RAD54L2: variants seen among roughly 807,000 people sequenced by gnomAD.
RAD54L2 encodes helicase ARIP4.
A neutral mutation model predicts 138.4 loss-of-function variants in RAD54L2; 27 were observed. The ratio of observed to expected loss-of-function variants is 0.20; its 90% CI spans 0.14 to 0.27. The LOEUF is 0.27. Among genes scored for constraint, RAD54L2 ranks in the 10% least tolerant of loss-of-function variants. RAD54L2 has a pLI of 1.00. For missense variants in RAD54L2, 1,396 were observed against 1,890.2 expected (o/e 0.74, Z 4.85); for synonymous variants, 644 against 723.2 (o/e 0.89, Z 1.76).
At chr3:51,639,288 C>T (rs778560225) in intron 12 of RAD54L2, 131 bp from the exon 13 acceptor site, 15 of 1,157,684 alleles carry the variant, frequency 1.3e-5, no homozygotes, top group Admixed American at 5.0e-5. Flanking sequence ...AGGGCTCTGA[C>T]TTTAATTTTT....
chr3:51,591,557 T>C (rs918461781), intron 3 of RAD54L2, among the ~76,000 whole-genome samples: 3 of 152,214 alleles, frequency 2.0e-5, no homozygotes, highest in Non-Finnish European at 2.9e-5. Context: ...CCCTCCTTTA[T>C]ACTGTCCAGA....
intron 2 of RAD54L2, among the ~76,000 whole-genome samples, chr3:51,563,187 C>A (rs1440483013): frequency 6.6e-6 from 1 of 152,086 alleles, no homozygotes; most frequent in East Asian, 1.9e-4. Context: ...ATTCCAGAGA[C>A]CACCAAAGCT....
At chr3:51,620,158 T>A (rs1390005793) in intron 3 of RAD54L2, among the ~76,000 whole-genome samples, 2 of 151,894 alleles carry the variant, frequency 1.3e-5, no homozygotes, top group Admixed American at 1.3e-4. Flanking sequence ...GGTGCAGTGG[T>A]ATAACCTTGG....
At chr3:51,608,896 T>A (rs1338452655) in intron 3 of RAD54L2, among the ~76,000 whole-genome samples, 1 of 151,882 alleles carries the variant, frequency 6.6e-6, no homozygotes, top group Non-Finnish European at 1.5e-5. Context: ...GAGAGGTAAT[T>A]ATTATTATTT....
intron 19 of RAD54L2, among the ~76,000 whole-genome samples, chr3:51,649,024 C>G (rs1701358971): frequency 6.6e-6 from 1 of 152,024 alleles, no homozygotes; most frequent in Non-Finnish European, 1.5e-5. Flanking sequence ...AGAGGATGTT[C>G]AAACCCATTG....
chr3:51,539,551 A>T (rs1193891115), intron 1 of RAD54L2, among the ~76,000 whole-genome samples: 1 of 152,158 alleles, frequency 6.6e-6, no homozygotes, highest in Non-Finnish European at 1.5e-5. Flanking sequence ...AACTTATCAC[A>T]GGAGTGAGTA....
intron 2 of RAD54L2, among the ~76,000 whole-genome samples, chr3:51,556,299 A>G (rs1402863542): frequency 2.6e-5 from 4 of 151,990 alleles, no homozygotes; most frequent in African/African-American, 9.7e-5. Flanking sequence ...TTTTTGAGAC[A>G]GGGTTTTGCT....
intron 2 of RAD54L2, among the ~76,000 whole-genome samples, chr3:51,573,681 G>A (rs1204710562): frequency 2.0e-5 from 3 of 152,088 alleles, no homozygotes; most frequent in East Asian, 3.9e-4. Flanking sequence ...TGTTGGCCAC[G>A]CTGGTCTCGA....
In RAD54L2 at chr3:51,633,985, A is replaced by C; in HGVS notation, c.1092A>C (p.Glu364Asp). 6.2e-7 allele frequency: 1 copy of C among 1,613,968 alleles called. No homozygotes were observed. The highest frequency in any genetic ancestry group is 8.5e-7 in the Non-Finnish European group (1 of 1,179,892). Residue 364 changes from glutamate to aspartate, a missense_variant, in exon 9 of 23, where the codon GAA becomes GAC. By Grantham distance (45) the Glu-to-Asp change is conservative. Coordinates refer to ENST00000684192, the MANE Select transcript of RAD54L2 (RefSeq NM_015106.4). ...CCCTCCCGGCTGACAACAAGCCTGA[A>C]GAAGTCCAGCCTCGGTTCTTTAAAG... ...PEALPADNKP[E>D]EVQPRFFKVH...
chr3:51,580,689 C>T (rs1699586263), intron 2 of RAD54L2, among the ~76,000 whole-genome samples: 1 of 152,152 alleles, frequency 6.6e-6, no homozygotes, highest in Non-Finnish European at 1.5e-5. Context: ...TGCTGGGAAC[C>T]TGGGACAGAG....
intron 3 of RAD54L2, among the ~76,000 whole-genome samples, chr3:51,592,263 A>T (rs1447885815): frequency 2.0e-5 from 3 of 151,594 alleles, no homozygotes; most frequent in Non-Finnish European, 2.9e-5. Flanking sequence ...GGATTTCTCT[A>T]TGTTGGTTAG....
chr3:51,564,477 ATGGAGAGAC>A (rs540316810), intron 2 of RAD54L2, among the ~76,000 whole-genome samples: 19 of 152,356 alleles, frequency 1.2e-4, no homozygotes, highest in Admixed American at 3.3e-4. Context: ...GGTGTTAGGA[ATGGAGAGAC>A]TGGATAGGAG....
intron 2 of RAD54L2, among the ~76,000 whole-genome samples, chr3:51,585,188 G>GA (rs149581076): frequency 4.6e-5 from 7 of 151,750 alleles, no homozygotes; most frequent in Middle Eastern, 3.4e-3. Context: ...TATTCTTCAA[G>GA]AAAAAAAACA....
chr3:51,650,662 T>C (rs1005830601), intron 19 of RAD54L2, among the ~76,000 whole-genome samples: 6 of 152,160 alleles, frequency 3.9e-5, no homozygotes, highest in Non-Finnish European at 7.3e-5. Context: ...ACATGAAAAC[T>C]GAACAACCTG....
In RAD54L2 at chr3:51,630,386, A is replaced by C. The variant is rs759584593; in HGVS notation, c.596A>C (p.Asp199Ala). The change falls in exon 6 of 23, where the codon GAT (aspartate) becomes GCT (alanine). Residue 199 changes from aspartate to alanine, a missense_variant and splice_region_variant. Coordinates refer to ENST00000684192, the MANE Select transcript of RAD54L2 (RefSeq NM_015106.4). ...SGSEDEKSSR[D>A]EVIELSSGEE... ...AGTGAGGATGAAAAAAGCAGTCGAG[A>C]TGGTAAGATCAAACCAGGTGCCTCC... is the stretch of plus-strand genomic sequence containing the variant. 7 of 1,612,780 alleles carry C rather than the reference A, an allele frequency of 4.3e-6. No homozygotes were observed. The African/African-American group carries it at 8.0e-5, about 18-fold the overall frequency.
At chr3:51,561,933 A>G (rs1699108199) in intron 2 of RAD54L2, among the ~76,000 whole-genome samples, 1 of 151,682 alleles carries the variant, frequency 6.6e-6, no homozygotes, top group African/African-American at 2.4e-5. Context: ...CAGTGGCGCA[A>G]TTGTGGCTCA....
At chr3:51,622,271 C>A (rs1427721871) in intron 3 of RAD54L2, among the ~76,000 whole-genome samples, 2 of 152,156 alleles carry the variant, frequency 1.3e-5, no homozygotes, top group Non-Finnish European at 2.9e-5. Context: ...GTTTCCTCAG[C>A]AGGTAGAACA....
chr3:51,550,915 A>G (rs1189309956), intron 2 of RAD54L2, among the ~76,000 whole-genome samples: 3 of 152,056 alleles, frequency 2.0e-5, no homozygotes, highest in South Asian at 4.1e-4. Context: ...GTGTGGTGGT[A>G]CATGCCTGTT....
At chr3:51,636,661 C>T (rs1395217942) in intron 10 of RAD54L2, among the ~76,000 whole-genome samples, 2 of 152,160 alleles carry the variant, frequency 1.3e-5, no homozygotes, top group Non-Finnish European at 2.9e-5. Flanking sequence ...AGGAAAGGAA[C>T]GGAACGGGGG....
Sources: allele counts gnomAD v4.1 joint callset (sites outside exome capture counted in the v4.1 genomes callset), GRCh38; gene constraint gnomAD v4.1.1; transcripts MANE v1.5; gene names NCBI Gene and HGNC (gene_info 2026-07-23, HGNC 2026-07-21).